The following TBC1D7 variants were observed in gnomAD, a reference collection of about 807,000 sequenced individuals.
TBC1D7 encodes TBC1 domain family member 7.
Under a neutral mutation model 35.3 loss-of-function variants are expected in TBC1D7, and 33 were observed. That is an observed-to-expected ratio of 0.93 (90% CI 0.71 to 1.25). TBC1D7 has a LOEUF of 1.25. Ranked by LOEUF, TBC1D7 falls within the 50% of genes most tolerant of loss-of-function variation. The pLI, the probability that TBC1D7 is intolerant of heterozygous loss-of-function variation, is 0.00. For synonymous variants in TBC1D7, 135 were observed against 129.5 expected, an observed-to-expected ratio of 1.04 and a Z score of -0.29; for missense variants, 362 against 365.3, an observed-to-expected ratio of 0.99 and a Z score of 0.07.
At chr6:13,322,663 T>C (rs957487718) in intron 3 of TBC1D7, among the ~76,000 whole-genome samples, 3 of 152,232 alleles carry the variant, frequency 2.0e-5, no homozygotes, top group African/African-American at 7.2e-5. Flanking sequence ...GCTAACATGA[T>C]ACCAGTTAAT....
chr6:13,327,792 A>G (rs543067190), intron 1 of TBC1D7: 2 of 152,340 alleles, frequency 1.3e-5, no homozygotes, highest in Admixed American at 1.3e-4. Context: ...AAGAACAGAA[A>G]AGATCTGATG....
In TBC1D7 at chr6:13,316,537, T is replaced by G. The variant is rs112152634; in HGVS notation, c.519+34A>C. The G allele has an allele frequency of 1.9e-5, 30 of 1,591,106 alleles. No homozygotes were observed. The African/African-American group carries it at 2.0e-4, about 11-fold the overall frequency. The stretch of plus-strand genomic sequence containing the variant: ...GAAGACCCCCACTACCATTGTTCAC[T>G]CTCCAATAGCCAAAAAAAAAAAAAA... On this transcript the variant is annotated intron_variant, in intron 5 of 7. Coordinates refer to ENST00000379300, the MANE Select transcript of TBC1D7 (RefSeq NM_016495.6).
chr6:13,321,919 A>C (rs1310717620), intron 3 of TBC1D7, among the ~76,000 whole-genome samples: 2 of 152,210 alleles, frequency 1.3e-5, no homozygotes, highest in Admixed American at 6.5e-5. Context: ...ATGAATTTTC[A>C]TGGCACTAAG....
chr6:13,310,333 T>C (rs959338061), intron 5 of TBC1D7, among the ~76,000 whole-genome samples: 3 of 152,184 alleles, frequency 2.0e-5, no homozygotes, highest in East Asian at 1.9e-4. Context: ...AGTATGAATA[T>C]ATTAACCTGA....
chr6:13,321,145 T>C, intron 3 of TBC1D7, 50 bp from the exon 4 acceptor site: 1 of 1,501,434 alleles, frequency 6.7e-7, no homozygotes, highest in Non-Finnish European at 9.1e-7. Context: ...GAGCCATCAC[T>C]CCAAATCCCT....
chr6:13,315,749 C>T (rs1282107258), intron 5 of TBC1D7, among the ~76,000 whole-genome samples: 2 of 152,128 alleles, frequency 1.3e-5, no homozygotes, highest in South Asian at 2.1e-4. Context: ...AATATGTGTA[C>T]AAAATATGTG....
intron 3 of TBC1D7, among the ~76,000 whole-genome samples, chr6:13,323,119 G>A (rs774423588): frequency 1.3e-5 from 2 of 152,156 alleles, no homozygotes; most frequent in Non-Finnish European, 2.9e-5. Flanking sequence ...TTGGGAGGCC[G>A]AGGCAGGTGG....
At chr6:13,327,307 T>C (rs1334952975) in intron 1 of TBC1D7, among the ~76,000 whole-genome samples, 1 of 152,244 alleles carries the variant, frequency 6.6e-6, no homozygotes, top group East Asian at 1.9e-4. Flanking sequence ...CAGTATACAC[T>C]ATGATTTCAT....
intron 6 of TBC1D7, 117 bp from the exon 7 acceptor site, chr6:13,306,644 G>A: frequency 1.2e-6 from 1 of 808,206 alleles, no homozygotes; most frequent in Non-Finnish European, 1.8e-6. Flanking sequence ...AAGCTTCAAA[G>A]AACAACTTTT....
intron 3 of TBC1D7, among the ~76,000 whole-genome samples, chr6:13,321,626 T>C (rs1224919420): frequency 2.0e-5 from 3 of 152,236 alleles, no homozygotes; most frequent in East Asian, 1.9e-4. Flanking sequence ...CTATGACATA[T>C]TAAGCTCCTT....
chr6:13,314,816 G>A (rs1351398293), intron 5 of TBC1D7, among the ~76,000 whole-genome samples: 1 of 152,022 alleles, frequency 6.6e-6, no homozygotes, highest in Non-Finnish European at 1.5e-5. Flanking sequence ...ACTTTCAGTA[G>A]AATTTTAAAA....
intron 1 of TBC1D7, 165 bp downstream of exon 1, chr6:13,328,131 T>C (rs1222635295): frequency 6.6e-6 from 1 of 152,222 alleles, no homozygotes; most frequent in African/African-American, 2.4e-5. Flanking sequence ...GTCCCTGTTG[T>C]CTAAGGACAC....
chr6:13,305,718 T>C (rs9473930), intron 7 of TBC1D7: 20,808 of 171,538 alleles, frequency 0.12, 1,532 homozygotes, highest in East Asian at 0.33. Flanking sequence ...ATCCTACTTC[T>C]TGCCTGGTAA....
At chr6:13,315,157 C>T (rs2127532037) in intron 5 of TBC1D7, among the ~76,000 whole-genome samples, 1 of 152,280 alleles carries the variant, frequency 6.6e-6, no homozygotes, top group Admixed American at 6.5e-5. Flanking sequence ...TAGTTGACCC[C>T]TGAACAACAT....
intron 3 of TBC1D7, chr6:13,323,918 A>G (rs1219000950): frequency 6.6e-6 from 1 of 152,210 alleles, no homozygotes; most frequent in Non-Finnish European, 1.5e-5. Context: ...TTAGCCTCAG[A>G]GAGTCTTTTC....
intron 4 of TBC1D7, chr6:13,318,022 AG>A (rs948969387): frequency 1.3e-5 from 2 of 152,574 alleles, no homozygotes; most frequent in African/African-American, 4.8e-5. Flanking sequence ...GGGTTATCAC[AG>A]GAACGGGACT....
intron 5 of TBC1D7, among the ~76,000 whole-genome samples, chr6:13,308,284 C>T (rs1782951725): frequency 1.3e-5 from 2 of 152,238 alleles, no homozygotes; most frequent in Admixed American, 1.3e-4. Flanking sequence ...ACCATACATA[C>T]ACTGCCCTGG....
intron 6 of TBC1D7, 63 bp downstream of exon 6, chr6:13,307,537 A>AT: frequency 6.4e-7 from 1 of 1,559,790 alleles, no homozygotes; most frequent in Non-Finnish European, 8.8e-7. Flanking sequence ...GGATGACCAC[A>AT]TGAAAGGCCA....
chr6:13,314,176 G>A (rs560283276), intron 5 of TBC1D7, among the ~76,000 whole-genome samples: 327 of 150,078 alleles, frequency 2.2e-3, no homozygotes, highest in African/African-American at 6.4e-3. Flanking sequence ...CTGCACTCCC[G>A]CCTTGGCGAC....
Sources: allele counts gnomAD v4.1 joint callset (sites outside exome capture counted in the v4.1 genomes callset), GRCh38; gene constraint gnomAD v4.1.1; transcripts MANE v1.5; gene names NCBI Gene and HGNC (gene_info 2026-07-23, HGNC 2026-07-21).